The following GLS variants were observed in gnomAD, a reference collection of about 807,000 sequenced individuals.
The protein encoded by GLS is glutaminase.
GLS carries 36 observed loss-of-function variants against 86.7 expected under a neutral mutation model. The observed-to-expected ratio is 0.42, with a 90% CI of 0.32 to 0.55. The LOEUF is 0.55. Ranked by LOEUF, GLS falls within the 20% of genes least tolerant of loss-of-function variation. GLS has a pLI of 0.17. For synonymous variants in GLS, 317 were observed against 305.9 expected (o/e 1.04, Z -0.38); for missense variants, 528 against 833.4 (o/e 0.63, Z 4.51).
In GLS at chr2:190,897,940, T is replaced by G. The variant is rs1003316103; in HGVS notation, c.605+2215T>G. ...TTGGGAAAATACGTTCTAAGCATAC[T>G]TTTTGGAGTAAAACCTGTTCGAAAG... On this transcript the variant is annotated intron_variant, in intron 3 of 17. Coordinates refer to ENST00000320717, the MANE Select transcript of GLS (RefSeq NM_014905.5). The surrounding 1 kb of genome is among the most constrained non-coding windows in gnomAD (Gnocchi z 4.3). 1.3e-5 allele frequency among the ~76,000 whole-genome samples: 2 copies of G among 152,184 alleles called. No homozygotes were observed. Among genetic ancestry groups the G allele is most frequent in the African/African-American group, 4.8e-5 (2 of 41,450 alleles).
Position 190,913,082 on chromosome 2 carries a change from G to T in GLS, c.1038+2761G>T. 1 of 864,886 alleles carries T rather than the reference G, an allele frequency of 1.2e-6. No homozygotes were observed. Among genetic ancestry groups the T allele is most frequent in the Non-Finnish European group, 1.7e-6 (1 of 596,432 alleles). The allele number at this position is 864,886 out of a possible 1,614,324, so 53.6% of individuals were successfully genotyped here. ...TCAAAATTCAGGAATTTATCATGGT[G>T]CCATTAAAATCATTTTCTTCATGTT... On this transcript the variant is annotated intron_variant, in intron 7 of 17. Transcript: ENST00000320717. This position sits in a 1 kb window ranked among gnomAD's most constrained non-coding sequence, Gnocchi z 6.1.
chr2:190,944,075 C>A (rs932515643), intron 14 of GLS, among the ~76,000 whole-genome samples: 1 of 152,072 alleles, frequency 6.6e-6, no homozygotes, highest in Non-Finnish European at 1.5e-5. Flanking sequence ...ATGCTAAAAC[C>A]GTGTTGTTTC....
At chr2:190,933,402 T>G (rs1020073640) in intron 14 of GLS, 15 of 860,370 alleles carry the variant, frequency 1.7e-5, no homozygotes, top group Non-Finnish European at 2.1e-5. Context: ...TTTACATTTA[T>G]GCCATTTTTG....
chr2:190,900,537 T>C, intron 3 of GLS, 27 bp from the exon 4 acceptor site: 1 of 1,426,782 alleles, frequency 7.0e-7, no homozygotes, highest in Non-Finnish European at 9.6e-7. Context: ...GTACCCAGTT[T>C]ATTAATTATC....
At position 190,924,463 on chromosome 2, in the gene GLS, T is replaced by A; in HGVS notation, c.1198-80T>A. On this transcript the variant is annotated intron_variant, in intron 10 of 17. Coordinates refer to ENST00000320717, the MANE Select transcript of GLS (RefSeq NM_014905.5). This position sits in a 1 kb window ranked among gnomAD's most constrained non-coding sequence, Gnocchi z 5.2. ...AATTAAAATGAAACACTTGTGTACA[T>A]TTGAAATTTTTCATATATTTCTCTA... 1 of 768,240 alleles carries A rather than the reference T, an allele frequency of 1.3e-6. No homozygotes were observed. The highest frequency in any genetic ancestry group is 2.4e-6 in the Non-Finnish European group (1 of 422,598). 47.6% of individuals were successfully genotyped at this position (768,240 alleles called of 1,614,324 possible). A position where few individuals can be genotyped will look rare whatever the true frequency, so the allele number is the denominator to read the frequency against.
chr2:190,936,243 A>C (rs1202381885), intron 14 of GLS, among the ~76,000 whole-genome samples: 3 of 151,168 alleles, frequency 2.0e-5, no homozygotes, highest in Admixed American at 1.3e-4. Context: ...GTGTATATTT[A>C]ATAGGCATAT....
At chr2:190,923,848 A>G in intron 9 of GLS, 69 bp from the exon 10 acceptor site, 2 of 956,398 alleles carry the variant, frequency 2.1e-6, no homozygotes, top group Non-Finnish European at 3.3e-6. Flanking sequence ...TTGCTATGCA[A>G]ATGAAATTAT....
At chr2:190,911,089 T>G (rs1416514237) in intron 7 of GLS, among the ~76,000 whole-genome samples, 4 of 151,082 alleles carry the variant, frequency 2.6e-5, no homozygotes, top group Non-Finnish European at 4.4e-5. Context: ...AAATTTTATT[T>G]ATATTTAAAT....
Position 190,905,365 on chromosome 2 carries a change from G to A in GLS, c.979+198G>A. On this transcript the variant is annotated intron_variant, in intron 6 of 17. Transcript: ENST00000320717. This position sits in a 1 kb window ranked among gnomAD's most constrained non-coding sequence, Gnocchi z 4.6. ...TCATACCACTGGGAAGTGGGCTAGGGAGAACATGAACTTCTCTCTTCATAA... is the reference window on the plus strand; with the variant it reads ...TCATACCACTGGGAAGTGGGCTAGGAAGAACATGAACTTCTCTCTTCATAA... The A allele has an allele frequency of 2.2e-6, 1 of 455,594 alleles. No homozygotes were observed. Among genetic ancestry groups the A allele is most frequent in the Non-Finnish European group, 3.9e-6 (1 of 256,884 alleles). The allele number at this position is 455,594 out of a possible 1,614,324, so 28.2% of individuals were successfully genotyped here.
intron 6 of GLS, among the ~76,000 whole-genome samples, chr2:190,906,936 T>C (rs1278375228): frequency 1.6e-4 from 24 of 151,470 alleles, no homozygotes; most frequent in Admixed American, 1.6e-3. Flanking sequence ...TAGTAGTTTT[T>C]TTTTTTTTTT....
chr2:190,904,356 G>A (rs1171770103), intron 5 of GLS, among the ~76,000 whole-genome samples: 1 of 152,082 alleles, frequency 6.6e-6, no homozygotes, highest in African/African-American at 2.4e-5. Flanking sequence ...AATACACGTG[G>A]GAGTAAGGAG....
At chr2:190,910,723 A>G (rs2124868659) in intron 7 of GLS, among the ~76,000 whole-genome samples, 1 of 151,558 alleles carries the variant, frequency 6.6e-6, no homozygotes, top group Admixed American at 6.6e-5. Context: ...TTATTAGTAT[A>G]TGTGGGAACA....
chr2:190,913,666 A>T lies in GLS; in HGVS notation c.1038+3345A>T. Reference sequence around the variant, plus strand: ...ACGTAGTTTTAGTTTAAAAGTTAAGATCTGGTGATAACTTAAGGGTTAGGA... The same window carrying T: ...ACGTAGTTTTAGTTTAAAAGTTAAGTTCTGGTGATAACTTAAGGGTTAGGA... On this transcript the variant is annotated intron_variant, in intron 7 of 17. Transcript: ENST00000320717. This position sits in a 1 kb window ranked among gnomAD's most constrained non-coding sequence, Gnocchi z 6.1. The T allele has an allele frequency of 1.0e-6, 1 of 976,378 alleles. No homozygotes were observed. The highest frequency in any genetic ancestry group is 1.2e-6 in the Non-Finnish European group (1 of 821,696). The allele number at this position is 976,378 out of a possible 1,614,324, so 60.5% of individuals were successfully genotyped here.
chr2:190,929,850 A>G (rs1690042337), intron 12 of GLS, among the ~76,000 whole-genome samples: 1 of 149,990 alleles, frequency 6.7e-6, no homozygotes, highest in African/African-American at 2.5e-5. Flanking sequence ...ATGTATATAT[A>G]TATATTTTTT....
At position 190,895,261 on chromosome 2, in the gene GLS, AT is replaced by A; in HGVS notation, c.483+18del. On this transcript the variant is annotated intron_variant, in intron 2 of 17. Transcript: ENST00000320717. This position sits in a 1 kb window ranked among gnomAD's most constrained non-coding sequence, Gnocchi z 4.2. ...TAAATTTATTACAGTAAGTTTTTATATTTTTCTATCTTAACTTAAAAAAATC... is the reference window on the plus strand; with the variant it reads ...TAAATTTATTACAGTAAGTTTTTATATTTTCTATCTTAACTTAAAAAAATC... 1 of 1,023,406 alleles carries A rather than the reference AT, an allele frequency of 9.8e-7. No homozygotes were observed. The highest frequency in any genetic ancestry group is 1.5e-6 in the Non-Finnish European group (1 of 655,540). The allele number at this position is 1,023,406 out of a possible 1,614,324, so 63.4% of individuals were successfully genotyped here.
At chr2:190,886,607 T>A (rs989557891) in intron 1 of GLS, among the ~76,000 whole-genome samples, 1 of 151,944 alleles carries the variant, frequency 6.6e-6, no homozygotes, top group Non-Finnish European at 1.5e-5. Context: ...TTTCTTTGAG[T>A]TTTAAAAAGT....
intron 14 of GLS, among the ~76,000 whole-genome samples, chr2:190,936,014 A>G (rs1298625563): frequency 6.6e-6 from 1 of 151,224 alleles, no homozygotes; most frequent in Non-Finnish European, 1.5e-5. Context: ...TTTTAAAACT[A>G]TTTGAAAGGG....
At chr2:190,932,142 G>A (rs1690125771) in intron 14 of GLS, among the ~76,000 whole-genome samples, 1 of 151,946 alleles carries the variant, frequency 6.6e-6, no homozygotes, top group African/African-American at 2.4e-5. Context: ...ATAAGTCACT[G>A]TAGATGAAAT....
At chr2:190,959,722 G>C (rs548415504) in intron 17 of GLS, among the ~76,000 whole-genome samples, 1 of 152,250 alleles carries the variant, frequency 6.6e-6, no homozygotes, top group African/African-American at 2.4e-5. Context: ...CATTTATGCA[G>C]CCTGATGTTG....
Sources: allele counts gnomAD v4.1 joint callset (sites outside exome capture counted in the v4.1 genomes callset), GRCh38; gene constraint gnomAD v4.1.1; non-coding constraint Gnocchi (gnomAD v3.1); transcripts MANE v1.5; gene names NCBI Gene and HGNC (gene_info 2026-07-23, HGNC 2026-07-21).